OLFM3: variants seen among roughly 807,000 people sequenced by gnomAD.
OLFM3 encodes olfactomedin 3.
OLFM3 carries 20 observed loss-of-function variants against 48.6 expected under a neutral mutation model. The ratio of observed to expected loss-of-function variants is 0.41; its 90% CI spans 0.29 to 0.60. OLFM3 has a LOEUF of 0.60. Ranked by LOEUF, OLFM3 falls within the 20% of genes least tolerant of loss-of-function variation. The pLI, the probability that OLFM3 is intolerant of heterozygous loss-of-function variation, is 0.28. For missense variants in OLFM3, 437 were observed against 544.3 expected (o/e 0.80, Z 1.96); for synonymous variants, 222 against 198.1 (o/e 1.12, Z -1.01).
chr1:101,833,558 T>C (rs1655266213), intron 2 of OLFM3, among the ~76,000 whole-genome samples: 2 of 152,242 alleles, frequency 1.3e-5, no homozygotes, highest in Non-Finnish European at 2.9e-5. Flanking sequence ...CAGAGGTGTT[T>C]CTGTGATTAG....
intron 1 of OLFM3, among the ~76,000 whole-genome samples, chr1:101,848,128 G>A (rs1656083132): frequency 6.6e-6 from 1 of 151,918 alleles, no homozygotes. Context: ...CCAAATCTCA[G>A]GTTCCAAATG....
chr1:101,995,322 C>T (rs1471049150), intron 1 of OLFM3, among the ~76,000 whole-genome samples: 2 of 152,092 alleles, frequency 1.3e-5, no homozygotes, highest in Non-Finnish European at 2.9e-5. Flanking sequence ...GAATGTGTCA[C>T]TACAGGGTGC....
intron 1 of OLFM3, among the ~76,000 whole-genome samples, chr1:101,962,031 A>G (rs1335907829): frequency 6.6e-6 from 1 of 152,078 alleles, no homozygotes; most frequent in Non-Finnish European, 1.5e-5. Context: ...CAAATTACTC[A>G]ATTTTTTTAA....
chr1:101,846,068 CA>C (rs1655978942), intron 1 of OLFM3, among the ~76,000 whole-genome samples: 1 of 151,978 alleles, frequency 6.6e-6, no homozygotes, highest in Non-Finnish European at 1.5e-5. Flanking sequence ...ATTTCTATTT[CA>C]AAAAACAATA....
chr1:101,822,232 G>A (rs909756506), intron 4 of OLFM3, among the ~76,000 whole-genome samples: 4 of 152,044 alleles, frequency 2.6e-5, no homozygotes, highest in Non-Finnish European at 5.9e-5. Flanking sequence ...TTCCATCTAG[G>A]TAAACCAGAC....
intron 1 of OLFM3, among the ~76,000 whole-genome samples, chr1:101,851,500 TG>T (rs1656219751): frequency 6.6e-6 from 1 of 152,164 alleles, no homozygotes; most frequent in South Asian, 2.1e-4. Context: ...TTTGCAGCTT[TG>T]CAAAGGGGTA....
intron 1 of OLFM3, among the ~76,000 whole-genome samples, chr1:101,968,778 T>C (rs1282679433): frequency 6.6e-6 from 1 of 152,218 alleles, no homozygotes; most frequent in Admixed American, 6.5e-5. Flanking sequence ...TCCACTAATA[T>C]GTGAACAAAA....
At chr1:101,857,291 A>C (rs1050448220) in intron 1 of OLFM3, among the ~76,000 whole-genome samples, 4 of 152,018 alleles carry the variant, frequency 2.6e-5, no homozygotes, top group East Asian at 1.9e-4. Flanking sequence ...TTTCCTTGGG[A>C]AGTATAACAG....
intron 1 of OLFM3, among the ~76,000 whole-genome samples, chr1:101,917,917 C>T (rs897093062): frequency 3.3e-5 from 5 of 152,024 alleles, no homozygotes; most frequent in South Asian, 4.2e-4. Flanking sequence ...GAAAAGAGCA[C>T]GTAATTTATA....
intron 4 of OLFM3, chr1:101,813,036 A>T (rs1379205096): frequency 1.6e-6 from 2 of 1,233,664 alleles, no homozygotes; most frequent in East Asian, 1.2e-4. Context: ...TGCTGAGAAT[A>T]CAAAGGTGAA....
intron 1 of OLFM3, among the ~76,000 whole-genome samples, chr1:101,964,335 G>A (rs922085071): frequency 1.1e-4 from 16 of 152,068 alleles, no homozygotes; most frequent in Non-Finnish European, 2.2e-4. Flanking sequence ...AACAGCATAC[G>A]GGTTTTATAT....
At chr1:101,931,135 T>C (rs773017428) in intron 1 of OLFM3, among the ~76,000 whole-genome samples, 20 of 152,332 alleles carry the variant, frequency 1.3e-4, no homozygotes, top group Middle Eastern at 6.8e-3. Context: ...CCAAGCCATC[T>C]CAATGGAAGT....
chr1:101,923,124 G>A (rs1437726221), intron 1 of OLFM3, among the ~76,000 whole-genome samples: 1 of 152,184 alleles, frequency 6.6e-6, no homozygotes, highest in Non-Finnish European at 1.5e-5. Flanking sequence ...CTGGATGCCA[G>A]GTGGTCTTAT....
At position 101,996,871 on chromosome 1, in the gene OLFM3, C is replaced by T. The variant is rs1661576714; in HGVS notation, c.-55G>A. The stretch of plus-strand genomic sequence containing the variant: ...CTCTTTTATGTAGGCTCTCCACTCA[C>T]TGCAGAGACCTTTCCCTCGTCAGTT... On this transcript the variant is annotated 5_prime_UTR_variant, in exon 1 of 6. In the 5' UTR this introduces an upstream ATG that the reference lacks. Coordinates refer to ENST00000370103, the MANE Select transcript of OLFM3 (RefSeq NM_058170.4). 1 of 1,560,858 alleles carries T rather than the reference C, an allele frequency of 6.4e-7. No homozygotes were observed. The highest frequency in any genetic ancestry group is 1.4e-5 in the African/African-American group (1 of 72,412).
intron 1 of OLFM3, among the ~76,000 whole-genome samples, chr1:101,895,381 T>C (rs1239336500): frequency 1.3e-5 from 2 of 151,618 alleles, no homozygotes; most frequent in South Asian, 2.1e-4. Context: ...CTTAGACTTA[T>C]GTGCTATTCT....
At chr1:101,917,832 A>G (rs963302474) in intron 1 of OLFM3, among the ~76,000 whole-genome samples, 1 of 152,244 alleles carries the variant, frequency 6.6e-6, no homozygotes, top group Admixed American at 6.5e-5. Context: ...ATGCAATCAT[A>G]GTACAAACTT....
At chr1:101,861,492 G>A (rs1656655231) in intron 1 of OLFM3, among the ~76,000 whole-genome samples, 1 of 152,206 alleles carries the variant, frequency 6.6e-6, no homozygotes, top group African/African-American at 2.4e-5. Flanking sequence ...AAGTGTCCAG[G>A]AAACACCATA....
At chr1:101,896,579 C>A (rs1460058145) in intron 1 of OLFM3, among the ~76,000 whole-genome samples, 2 of 146,918 alleles carry the variant, frequency 1.4e-5, no homozygotes, top group Non-Finnish European at 3.0e-5. Context: ...ACTGCAAACT[C>A]CGCCTCTCCG....
intron 1 of OLFM3, among the ~76,000 whole-genome samples, chr1:101,859,631 T>C (rs1656568824): frequency 6.6e-6 from 1 of 152,162 alleles, no homozygotes; most frequent in African/African-American, 2.4e-5. Context: ...AAATCCAAAA[T>C]GCTCCAGTGA....
Sources: allele counts gnomAD v4.1 joint callset (sites outside exome capture counted in the v4.1 genomes callset), GRCh38; gene constraint gnomAD v4.1.1; transcripts MANE v1.5; gene names NCBI Gene and HGNC (gene_info 2026-07-23, HGNC 2026-07-21).